Variants in ATP8A2 observed in about 807,000 individuals in gnomAD.
ATP8A2 encodes ATPase phospholipid transporting 8A2.
In ATP8A2, 100 loss-of-function variants were observed where a neutral mutation model predicts 165.6. The observed-to-expected ratio is 0.60, with a 90% CI of 0.51 to 0.71. The LOEUF (loss-of-function observed/expected upper bound fraction) is 0.71, where lower values mean the gene tolerates loss of function less well. Among genes scored for constraint, ATP8A2 ranks in the 30% least tolerant of loss-of-function variants. The pLI is 0.00. For missense variants in ATP8A2, 1,227 were observed against 1,479.5 expected (o/e 0.83, Z 2.80); for synonymous variants, 543 against 548.8 (o/e 0.99, Z 0.15).
chr13:25,568,784 A>G (rs1276585695), intron 16 of ATP8A2, among the ~76,000 whole-genome samples: 1 of 152,190 alleles, frequency 6.6e-6, no homozygotes, highest in Non-Finnish European at 1.5e-5. Context: ...GTTTACCACA[A>G]TACAAATTTT....
intron 24 of ATP8A2, among the ~76,000 whole-genome samples, chr13:25,629,008 G>A (rs1278885546): frequency 6.6e-6 from 1 of 152,120 alleles, no homozygotes; most frequent in Non-Finnish European, 1.5e-5. Context: ...TTCCAGGGGA[G>A]CATAATTGGT....
chr13:25,514,791 G>C (rs2037412065), intron 2 of ATP8A2, among the ~76,000 whole-genome samples: 1 of 152,094 alleles, frequency 6.6e-6, no homozygotes, highest in Non-Finnish European at 1.5e-5. Context: ...GATGTCTCAT[G>C]AGTCTCCTGA....
chr13:25,476,568 G>A (rs1048135873), intron 2 of ATP8A2, among the ~76,000 whole-genome samples: 5 of 152,140 alleles, frequency 3.3e-5, no homozygotes, highest in African/African-American at 1.2e-4. Flanking sequence ...GGGATTACAG[G>A]TATGAGCCAT....
chr13:25,774,341 T>C (rs1030335236), intron 26 of ATP8A2, among the ~76,000 whole-genome samples: 2 of 152,134 alleles, frequency 1.3e-5, no homozygotes, highest in Non-Finnish European at 2.9e-5. Flanking sequence ...TCCTCACTTA[T>C]AAGTGGGAGC....
At chr13:25,659,276 A>G (rs1197156003) in intron 24 of ATP8A2, among the ~76,000 whole-genome samples, 3 of 152,228 alleles carry the variant, frequency 2.0e-5, no homozygotes, top group Non-Finnish European at 4.4e-5. Flanking sequence ...TTATGATCAT[A>G]GCAGGTTTCA....
Position 25,750,730 on chromosome 13 carries a change from A to G in ATP8A2, c.2385-18316A>G, listed in dbSNP as rs913752161. Among the ~76,000 whole-genome samples, 2 of 152,330 alleles carry G rather than the reference A, an allele frequency of 1.3e-5. No homozygotes were observed. Among genetic ancestry groups the G allele is most frequent in the East Asian group, 1.9e-4 (1 of 5,176 alleles). The stretch of plus-strand genomic sequence containing the variant: ...AGTTTATACGAGCACATGGGCATCA[A>G]AAAGCTTGCGAAGAAAAGTCCTCTT... On this transcript the variant is annotated intron_variant, in intron 25 of 36. Transcript: ENST00000381655. This position sits in a 1 kb window ranked among gnomAD's most constrained non-coding sequence, Gnocchi z 4.3.
At chr13:25,544,339 C>T (rs1045006150) in intron 10 of ATP8A2, among the ~76,000 whole-genome samples, 4 of 152,180 alleles carry the variant, frequency 2.6e-5, no homozygotes, top group African/African-American at 4.8e-5. Flanking sequence ...GAATGATTCC[C>T]GTGGCAGAAG....
intron 2 of ATP8A2, among the ~76,000 whole-genome samples, chr13:25,524,115 C>T (rs1406258230): frequency 6.6e-6 from 1 of 152,062 alleles, no homozygotes; most frequent in Non-Finnish European, 1.5e-5. Flanking sequence ...TCTTCATTGA[C>T]CTATCAGTTG....
chr13:25,622,221 A>AC (rs1457253552), intron 24 of ATP8A2, among the ~76,000 whole-genome samples: 1 of 151,790 alleles, frequency 6.6e-6, no homozygotes, highest in Non-Finnish European at 1.5e-5. Flanking sequence ...AAAAAAAAAA[A>AC]AATTAAGCCT....
At chr13:25,764,098 A>G (rs1034075183) in intron 25 of ATP8A2, among the ~76,000 whole-genome samples, 1 of 152,208 alleles carries the variant, frequency 6.6e-6, no homozygotes, top group African/African-American at 2.4e-5. Flanking sequence ...CACTTTTCCA[A>G]TTGAAATCTT....
intron 24 of ATP8A2, among the ~76,000 whole-genome samples, chr13:25,654,229 AGG>A (rs1036879490): frequency 2.5e-4 from 4 of 15,962 alleles, no homozygotes; most frequent in African/African-American, 6.8e-4. Context: ...GTTTTTAGAC[AGG>A]GTCTCACTCT....
intron 35 of ATP8A2, among the ~76,000 whole-genome samples, chr13:26,004,432 C>G (rs1956700948): frequency 6.6e-6 from 1 of 152,050 alleles, no homozygotes; most frequent in South Asian, 2.1e-4. Flanking sequence ...ATTTTCTATA[C>G]ATAGCATTAT....
At chr13:25,942,305 G>C (rs116905265) in intron 33 of ATP8A2, among the ~76,000 whole-genome samples, 1 of 152,168 alleles carries the variant, frequency 6.6e-6, no homozygotes, top group African/African-American at 2.4e-5. Context: ...TTTCCCAAGA[G>C]GGCATAATCT....
chr13:25,929,722 G>A (rs947507720), intron 33 of ATP8A2, among the ~76,000 whole-genome samples: 14 of 152,032 alleles, frequency 9.2e-5, no homozygotes, highest in Admixed American at 4.6e-4. Flanking sequence ...ATGTGGTGGC[G>A]CTGCACCTCG....
chr13:25,468,855 T>A (rs1177244205), intron 1 of ATP8A2, 122 bp from the exon 2 acceptor site: 1 of 1,459,980 alleles, frequency 6.8e-7, no homozygotes, highest in Non-Finnish European at 9.0e-7. Flanking sequence ...GTAGGCGGCG[T>A]CCGCCTCACC....
intron 1 of ATP8A2, among the ~76,000 whole-genome samples, chr13:25,395,479 C>T (rs550679560): frequency 4.6e-5 from 7 of 152,122 alleles, no homozygotes; most frequent in East Asian, 1.9e-4. Flanking sequence ...CATTTATTAA[C>T]GTATACATGG....
In ATP8A2 at chr13:25,531,317, T is replaced by A. The variant is rs1007789922; in HGVS notation, c.420+657T>A. On this transcript the variant is annotated intron_variant, in intron 4 of 36. Coordinates refer to ENST00000381655, the MANE Select transcript of ATP8A2 (RefSeq NM_016529.6). ...ATATATGTTATATATGATATATATG[T>A]TATATATGATATATATATGTTATAT... 1.7e-3 allele frequency among the ~76,000 whole-genome samples: 209 copies of A among 124,700 alleles called. 3 individuals carry two copies. The highest frequency in any genetic ancestry group is 2.8e-3 in the Admixed American group (33 of 11,980). 81.8% of individuals were successfully genotyped at this position (124,700 alleles called of 152,430 possible).
chr13:25,607,210 T>A (rs2040539614), intron 24 of ATP8A2, among the ~76,000 whole-genome samples: 1 of 152,188 alleles, frequency 6.6e-6, no homozygotes, highest in Non-Finnish European at 1.5e-5. Context: ...AAAATTATCT[T>A]CCACAAAACG....
intron 1 of ATP8A2, among the ~76,000 whole-genome samples, chr13:25,399,128 G>A (rs1418451882): frequency 2.0e-5 from 3 of 152,106 alleles, no homozygotes; most frequent in African/African-American, 4.8e-5. Flanking sequence ...CAGCTCTAAG[G>A]AGGATGTGAT....
Sources: gnomAD v4.1 joint callset for allele counts (sites outside exome capture counted in the v4.1 genomes callset) on GRCh38, gnomAD v4.1.1 for gene constraint, Gnocchi (gnomAD v3.1) non-coding constraint, MANE v1.5 for transcripts, NCBI Gene and HGNC (gene_info 2026-07-23, HGNC 2026-07-21) for gene names.